Variants in XRRA1 observed in about 807,000 individuals in gnomAD.
XRRA1 encodes X-ray radiation resistance associated 1.
A neutral mutation model predicts 80.2 loss-of-function variants in XRRA1; 69 were observed. The observed-to-expected ratio is 0.86, with a 90% CI of 0.71 to 1.05. The LOEUF (loss-of-function observed/expected upper bound fraction) is 1.05. Among genes scored for constraint, XRRA1 ranks in the 50% least tolerant of loss-of-function variants. The probability of loss-of-function intolerance (pLI) is 0.00; values close to 1 mark genes in which losing one functional copy is unlikely to be tolerated. For synonymous variants in XRRA1, 348 were observed against 389.9 expected, an observed-to-expected ratio of 0.89 and a Z score of 1.27; for missense variants, 967 against 976.4, an observed-to-expected ratio of 0.99 and a Z score of 0.13.
At chr11:74,944,549 C>G (rs1387294884) in intron 2 of XRRA1, among the ~76,000 whole-genome samples, 1 of 152,194 alleles carries the variant, frequency 6.6e-6, no homozygotes, top group African/African-American at 2.4e-5. Flanking sequence ...TATGAGTTTC[C>G]TGATCCCTGA....
intron 10 of XRRA1, among the ~76,000 whole-genome samples, chr11:74,889,894 C>A (rs1405209413): frequency 6.6e-6 from 1 of 152,184 alleles, no homozygotes; most frequent in African/African-American, 2.4e-5. Flanking sequence ...CACCCAGATT[C>A]ATAAAGCAAG....
chr11:74,920,745 A>G (rs1000483098), intron 8 of XRRA1, among the ~76,000 whole-genome samples: 4 of 152,202 alleles, frequency 2.6e-5, no homozygotes, highest in Admixed American at 6.5e-5. Flanking sequence ...TACCTCACAG[A>G]GCTGTTATGA....
intron 8 of XRRA1, among the ~76,000 whole-genome samples, chr11:74,912,328 C>T (rs974924279): frequency 6.6e-6 from 1 of 152,128 alleles, no homozygotes; most frequent in African/African-American, 2.4e-5. Context: ...AGAATTATGG[C>T]GCTAAGATTT....
intron 7 of XRRA1, among the ~76,000 whole-genome samples, chr11:74,924,916 G>A (rs1004374951): frequency 1.3e-5 from 2 of 152,148 alleles, no homozygotes; most frequent in Admixed American, 1.3e-4. Context: ...ATTGTCTATG[G>A]CTGTTTTCCA....
At chr11:74,858,810 A>C (rs573004240) in intron 12 of XRRA1, among the ~76,000 whole-genome samples, 1 of 152,270 alleles carries the variant, frequency 6.6e-6, no homozygotes, top group Non-Finnish European at 1.5e-5. Context: ...TCTTCATAAC[A>C]CTAAGCATGC....
chr11:74,942,119 AAGG>A lies in XRRA1; in HGVS notation c.-4-1240_-4-1238del, dbSNP rs530081008. ...ATTTAAAAAAAAAAATGTGTGGACA[AAGG>A]AGGAGAAGCCCCTGGAGGATTCAGA... On this transcript the variant is annotated intron_variant, in intron 2 of 18. Transcript: ENST00000684022. Among the ~76,000 whole-genome samples, 114 of 152,216 alleles carry A rather than the reference AAGG, an allele frequency of 7.5e-4. 2 individuals carry two copies. Among genetic ancestry groups the A allele is most frequent in the African/African-American group, 3.4e-4 (14 of 41,548 alleles).
chr11:74,928,763 G>A (rs1422993308), intron 6 of XRRA1, among the ~76,000 whole-genome samples: 2 of 152,106 alleles, frequency 1.3e-5, no homozygotes, highest in African/African-American at 4.8e-5. Context: ...AGCCTTGTAC[G>A]AGTGTGTTAC....
At position 74,892,382 on chromosome 11, in the gene XRRA1, T is replaced by A. The variant is rs569968246; in HGVS notation, c.1003+13857A>T. 2.7e-3 allele frequency among the ~76,000 whole-genome samples: 416 copies of A among 152,304 alleles called. 2 individuals are homozygous for A. Among genetic ancestry groups the A allele is most frequent in the African/African-American group, 9.8e-3 (406 of 41,546 alleles). ...GAAAGCTGAAACTGGATCCCGTCCT[T>A]ACCCCTTATACAAAAATTAATTCAA... On this transcript the variant is annotated intron_variant, in intron 10 of 18. Transcript: ENST00000684022.
intron 8 of XRRA1, chr11:74,919,564 G>T: frequency 2.3e-6 from 1 of 435,902 alleles, no homozygotes; most frequent in Non-Finnish European, 4.4e-6. Context: ...GCCTACCTAA[G>T]AATGAAGCCG....
At position 74,906,282 on chromosome 11, in the gene XRRA1, C is replaced by A; in HGVS notation, c.960G>T (p.Leu320=). Residue 320 remains leucine (L), a synonymous_variant, in exon 10 of 19, where the codon CTG becomes CTT. Transcript: ENST00000684022. ...PRMLEDSDEQ[L]DYTVLPMKKD... ...TTTTCATGGGCAGTACAGTATAATC[C>A]AGTTGCTCATCTGAGTCCTCAAGCA... is the stretch of plus-strand genomic sequence containing the variant. The A allele has an allele frequency of 1.2e-6, 2 of 1,613,944 alleles. No homozygotes were observed. Among genetic ancestry groups the A allele is most frequent in the Non-Finnish European group, 1.7e-6 (2 of 1,179,888 alleles).
chr11:74,876,737 C>T (rs1321455223), intron 10 of XRRA1: 1 of 152,152 alleles, frequency 6.6e-6, no homozygotes, highest in East Asian at 1.9e-4. Flanking sequence ...TCCTGGATAT[C>T]CATGTGAAGA....
chr11:74,876,190 G>T (rs1031278519), intron 10 of XRRA1: 3 of 152,184 alleles, frequency 2.0e-5, no homozygotes, highest in African/African-American at 7.2e-5. Flanking sequence ...AAGGCACTAG[G>T]CATACAGTAT....
At chr11:74,939,537 A>G (rs973844218) in intron 3 of XRRA1, among the ~76,000 whole-genome samples, 5 of 152,134 alleles carry the variant, frequency 3.3e-5, no homozygotes, top group Admixed American at 6.5e-5. Flanking sequence ...TCCTTTCAAC[A>G]TGCCCTCATT....
intron 10 of XRRA1, among the ~76,000 whole-genome samples, chr11:74,877,416 G>C (rs955735651): frequency 6.6e-6 from 1 of 151,982 alleles, no homozygotes; most frequent in Admixed American, 6.6e-5. Flanking sequence ...CTACTGTCAT[G>C]GTTATAGCCT....
At chr11:74,854,751 G>A (rs2040675002) in intron 12 of XRRA1, among the ~76,000 whole-genome samples, 1 of 152,092 alleles carries the variant, frequency 6.6e-6, no homozygotes, top group Non-Finnish European at 1.5e-5. Flanking sequence ...TGGGCGCGGT[G>A]GCTCAGGCCT....
At chr11:74,854,038 A>AG (rs142097900) in intron 12 of XRRA1, among the ~76,000 whole-genome samples, 1 of 152,342 alleles carries the variant, frequency 6.6e-6, no homozygotes, top group African/African-American at 2.4e-5. Context: ...CAAAGGTGAC[A>AG]GCTGGTTTTT....
chr11:74,843,789 T>A, intron 18 of XRRA1, 65 bp downstream of exon 18: 1 of 1,422,942 alleles, frequency 7.0e-7, no homozygotes, highest in Non-Finnish European at 9.7e-7. Flanking sequence ...ACAAGCCCTT[T>A]CTTTGCCTTT....
At chr11:74,867,515 G>A (rs943297088) in intron 10 of XRRA1, among the ~76,000 whole-genome samples, 1 of 152,072 alleles carries the variant, frequency 6.6e-6, no homozygotes, top group Non-Finnish European at 1.5e-5. Flanking sequence ...AACTCAGTCA[G>A]ACCAAAATAA....
chr11:74,869,023 AC>A (rs919729585), intron 10 of XRRA1, among the ~76,000 whole-genome samples: 4 of 152,110 alleles, frequency 2.6e-5, no homozygotes, highest in African/African-American at 9.7e-5. Context: ...AGAACACTCC[AC>A]CCCAAAACAA....
Sources: allele counts gnomAD v4.1 joint callset (sites outside exome capture counted in the v4.1 genomes callset), GRCh38; gene constraint gnomAD v4.1.1; transcripts MANE v1.5; gene names NCBI Gene and HGNC (gene_info 2026-07-23, HGNC 2026-07-21).